The following CNTNAP2 variants were observed in gnomAD, a reference collection of about 807,000 sequenced individuals.
CNTNAP2 encodes the protein contactin-associated protein-like 2.
A neutral mutation model predicts 155.2 loss-of-function variants in CNTNAP2; 98 were observed. The ratio of observed to expected loss-of-function variants is 0.63; its 90% CI spans 0.54 to 0.75. The LOEUF is 0.75. CNTNAP2 is among the 30% of genes least tolerant of loss of function. CNTNAP2 has a pLI of 0.00. For synonymous variants in CNTNAP2, 651 were observed against 631.2 expected (o/e 1.03, Z -0.47); for missense variants, 1,727 against 1,688.1 (o/e 1.02, Z -0.40).
intron 21 of CNTNAP2, among the ~76,000 whole-genome samples, chr7:148,342,185 A>G (rs1798248805): frequency 6.6e-6 from 1 of 152,240 alleles, no homozygotes; most frequent in African/African-American, 2.4e-5. Flanking sequence ...CAGACTCGCC[A>G]CCAGGCTTCC....
At chr7:147,763,954 T>C (rs1202279081) in intron 13 of CNTNAP2, among the ~76,000 whole-genome samples, 2 of 152,192 alleles carry the variant, frequency 1.3e-5, no homozygotes, top group Non-Finnish European at 2.9e-5. Context: ...CTGGGATCAG[T>C]CCAGTGCTGA....
At chr7:146,341,895 C>A (rs1403225710) in intron 1 of CNTNAP2, among the ~76,000 whole-genome samples, 1 of 152,108 alleles carries the variant, frequency 6.6e-6, no homozygotes, top group Non-Finnish European at 1.5e-5. Flanking sequence ...CACTATTGTT[C>A]ATTCCTACAA....
At chr7:147,993,905 A>G (rs1440328217) in intron 15 of CNTNAP2, among the ~76,000 whole-genome samples, 2 of 151,838 alleles carry the variant, frequency 1.3e-5, no homozygotes, top group Non-Finnish European at 2.9e-5. Flanking sequence ...AGAAGCACCT[A>G]TTAAGGAATC....
At position 146,738,126 on chromosome 7, in the gene CNTNAP2, C is replaced by T. The variant is rs1321577583; in HGVS notation, c.98-36145C>T. 2.0e-5 allele frequency among the ~76,000 whole-genome samples: 3 copies of T among 152,000 alleles called. No homozygotes were observed. In the East Asian group the frequency reaches 5.8e-4, roughly 29 times the overall value. On this transcript the variant is annotated intron_variant, in intron 1 of 23. Transcript: ENST00000361727. ...TTTCACAATTGTACTAATTTATATT[C>T]CCACAAATAGTGTGCATGGGTTCTT... is the stretch of plus-strand genomic sequence containing the variant.
At chr7:147,558,339 C>T (rs1398100798) in intron 11 of CNTNAP2, among the ~76,000 whole-genome samples, 1 of 152,096 alleles carries the variant, frequency 6.6e-6, no homozygotes, top group East Asian at 1.9e-4. Context: ...CTTTCAGTAA[C>T]CTACTTTTGC....
chr7:147,588,419 G>A (rs12535793), intron 12 of CNTNAP2, among the ~76,000 whole-genome samples: 27,617 of 151,942 alleles, frequency 0.18, 2,816 homozygotes, highest in East Asian at 0.37. Context: ...TCAAACAAGA[G>A]GATACTCTGT....
At position 148,009,276 on chromosome 7, in the gene CNTNAP2, G is replaced by T. The variant is rs148170293; in HGVS notation, c.2383+31287G>T. On this transcript the variant is annotated intron_variant, in intron 15 of 23. Coordinates refer to ENST00000361727, the MANE Select transcript of CNTNAP2 (RefSeq NM_014141.6). ...TAATAAAATATTGAATATCTCATGT[G>T]ATTTATAGAATACTGCACTGAAAGT... Among the ~76,000 whole-genome samples, 298 of 152,238 alleles carry T rather than the reference G, an allele frequency of 2.0e-3. 1 individual carries two copies. The highest frequency in any genetic ancestry group is 6.6e-3 in the African/African-American group (273 of 41,544).
intron 13 of CNTNAP2, among the ~76,000 whole-genome samples, chr7:147,725,707 C>T (rs905861516): frequency 8.6e-5 from 13 of 152,046 alleles, no homozygotes; most frequent in Admixed American, 6.6e-4. Context: ...AATTGCTTTT[C>T]GGGTAAAGGT....
chr7:148,191,735 A>C (rs979977103), intron 18 of CNTNAP2, among the ~76,000 whole-genome samples: 1 of 152,158 alleles, frequency 6.6e-6, no homozygotes, highest in African/African-American at 2.4e-5. Context: ...CTCATGTCTT[A>C]ATCACTTTCC....
chr7:147,951,337 T>C (rs1022370832), intron 14 of CNTNAP2, among the ~76,000 whole-genome samples: 6 of 152,176 alleles, frequency 3.9e-5, no homozygotes, highest in African/African-American at 1.4e-4. Flanking sequence ...CAAATTGAGG[T>C]ATTTCTTCTG....
Position 148,259,249 on chromosome 7 carries a change from G to A in CNTNAP2, c.3382-7784G>A, listed in dbSNP as rs113188530. Among the ~76,000 whole-genome samples, 987 of 140,932 alleles carry A rather than the reference G, an allele frequency of 7.0e-3. 7 individuals carry two copies. Among genetic ancestry groups the A allele is most frequent in the African/African-American group, 0.023 (868 of 37,570 alleles). The allele number at this position is 140,932 out of a possible 152,430, so 92.5% of individuals were successfully genotyped here. On this transcript the variant is annotated intron_variant, in intron 20 of 23. Coordinates refer to ENST00000361727, the MANE Select transcript of CNTNAP2 (RefSeq NM_014141.6). ...TATGCACCTGTGGTCCCAGCTACTC[G>A]GTAGGCTAAGGTGGAAGGATCACTT...
chr7:147,913,638 A>G (rs1800107725), intron 14 of CNTNAP2, among the ~76,000 whole-genome samples: 5 of 152,236 alleles, frequency 3.3e-5, no homozygotes, highest in African/African-American at 9.6e-5. Context: ...AAACCTTAAT[A>G]CGAGACAGAA....
At chr7:148,251,111 G>C (rs1054759877) in intron 20 of CNTNAP2, among the ~76,000 whole-genome samples, 1 of 152,156 alleles carries the variant, frequency 6.6e-6, no homozygotes, top group African/African-American at 2.4e-5. Flanking sequence ...ACAGCTCCAA[G>C]GGCACAGTCC....
chr7:148,356,459 A>G (rs1210063497), intron 21 of CNTNAP2, among the ~76,000 whole-genome samples: 1 of 152,146 alleles, frequency 6.6e-6, no homozygotes, highest in Non-Finnish European at 1.5e-5. Context: ...CGAATAATAG[A>G]TGTGGAAAGC....
intron 1 of CNTNAP2, among the ~76,000 whole-genome samples, chr7:146,581,031 T>G (rs1798604085): frequency 6.6e-6 from 1 of 152,102 alleles, no homozygotes; most frequent in South Asian, 2.1e-4. Flanking sequence ...ACAATATGAC[T>G]GAATCATGAT....
At chr7:146,980,903 A>G (rs549192538) in intron 3 of CNTNAP2, among the ~76,000 whole-genome samples, 2 of 152,262 alleles carry the variant, frequency 1.3e-5, no homozygotes, top group African/African-American at 4.8e-5. Flanking sequence ...AGAGTCCCCT[A>G]CATTCAGCTA....
intron 11 of CNTNAP2, among the ~76,000 whole-genome samples, chr7:147,509,556 T>G (rs1052745843): frequency 2.0e-5 from 3 of 152,188 alleles, no homozygotes; most frequent in South Asian, 2.1e-4. Flanking sequence ...CTGTATCAAA[T>G]GAGAGAGAAC....
chr7:148,128,864 A>T (rs1804768016), intron 16 of CNTNAP2, among the ~76,000 whole-genome samples: 2 of 152,040 alleles, frequency 1.3e-5, no homozygotes, highest in Non-Finnish European at 1.5e-5. Flanking sequence ...GCTTTGAAAG[A>T]CCACCCAGGC....
intron 10 of CNTNAP2, among the ~76,000 whole-genome samples, chr7:147,471,751 A>G (rs554636467): frequency 5.3e-5 from 8 of 152,240 alleles, no homozygotes; most frequent in Admixed American, 2.6e-4. Flanking sequence ...GTGTTGAGGA[A>G]ACAGACATGT....
Sources: allele counts gnomAD v4.1 joint callset (sites outside exome capture counted in the v4.1 genomes callset), GRCh38; gene constraint gnomAD v4.1.1; transcripts MANE v1.5; gene names NCBI Gene and HGNC (gene_info 2026-07-23, HGNC 2026-07-21).